CEP72: variants seen among roughly 807,000 people sequenced by gnomAD.
CEP72 encodes the protein centrosomal protein 72.
A neutral mutation model predicts 65.7 loss-of-function variants in CEP72; 78 were observed. The ratio of observed to expected loss-of-function variants is 1.19; its 90% CI spans 0.99 to 1.43. The LOEUF is 1.43. Among genes scored for constraint, CEP72 ranks in the 40% most tolerant of loss-of-function variants. CEP72 has a pLI of 0.00. For missense variants in CEP72, 914 were observed against 832.9 expected (o/e 1.10, Z -1.20); for synonymous variants, 358 against 351.7 (o/e 1.02, Z -0.20).
In CEP72 at chr5:637,832, T is replaced by G. The variant is rs546834723; in HGVS notation, c.1206+14T>G. ...GACACCAGAGAGGTGAGAGAAGGGC[T>G]GGGGAGCAGCAGGCCCACGGCACTG... On this transcript the variant is annotated intron_variant, in intron 7 of 11. Transcript: ENST00000264935. 790 of 1,521,326 alleles carry G rather than the reference T, an allele frequency of 5.2e-4. No homozygotes were observed. Among genetic ancestry groups the G allele is most frequent in the Non-Finnish European group, 6.4e-4 (723 of 1,131,722 alleles). The allele number at this position is 1,521,326 out of a possible 1,614,324, so 94.2% of individuals were successfully genotyped here.
chr5:667,657 G>A (rs1739977159), downstream of CEP72, among the ~76,000 whole-genome samples: 2 of 152,194 alleles, frequency 1.3e-5, no homozygotes, highest in Admixed American at 1.3e-4. Flanking sequence ...CCTGAGAAAG[G>A]ACTTGTCTCT....
chr5:644,327 C>G lies in CEP72; in HGVS notation c.1568C>G (p.Ser523Cys), dbSNP rs750132769. ...GATTTGAGACAACATTTAGATAAAT[C>G]TTTGGAAGAGAACAGTAGGTTAAAA... ...LDDLRQHLDKSLEENSRLKSL... is the reference protein window; with the variant it reads ...LDDLRQHLDKCLEENSRLKSL... The change falls in exon 10 of 12, where the codon TCT becomes TGT. Residue 523 changes from serine to cysteine, a missense_variant. Ser to Cys is a moderately radical substitution (Grantham distance 112). Transcript: ENST00000264935. 6.2e-7 allele frequency: 1 copy of G among 1,613,716 alleles called. No homozygotes were observed. Among genetic ancestry groups the G allele is most frequent in the African/African-American group, 1.3e-5 (1 of 74,922 alleles).
rs1041306811 is a variant in CEP72 at position 665,797 on chromosome 5, C to T, written n.434-144C>T. ...CCATTCATGCCCCTTCTGACCACAC[C>T]TCCTCAGACCCCACACCAGGCCACG... On this transcript the variant is annotated intron_variant and non_coding_transcript_variant, in intron 3 of 4. Transcript: ENST00000514507. The T allele has an allele frequency of 2.7e-5, 20 of 748,178 alleles. 2 individuals carry two copies. Among genetic ancestry groups the T allele is most frequent in the Middle Eastern group, 3.9e-4 (1 of 2,584 alleles). The allele number at this position is 748,178 out of a possible 1,614,324, so 46.3% of individuals were successfully genotyped here. A position where few individuals can be genotyped will look rare whatever the true frequency, so the allele number is the denominator to read the frequency against.
chr5:639,762 T>C (rs1579991662), intron 8 of CEP72, among the ~76,000 whole-genome samples: 1 of 152,182 alleles, frequency 6.6e-6, no homozygotes, highest in Admixed American at 6.5e-5. Flanking sequence ...AGATGCCGCG[T>C]CCCCAGGGGC....
chr5:639,200 C>T lies in CEP72; in HGVS notation c.1318C>T (p.Leu440=), dbSNP rs950023165. The T allele has an allele frequency of 1.3e-6, 2 of 1,594,536 alleles. No homozygotes were observed. The highest frequency in any genetic ancestry group is 1.7e-6 in the Non-Finnish European group (2 of 1,167,156). ...VDRSWGGCRS[L]HSNEAFLAQA... ...CAGGAGCTGGGGCGGCTGCAGGTCC[C>T]TGCACAGCAACGAGGCATTCCTTGG... Residue 440 remains leucine (L), a synonymous_variant, in exon 8 of 12, where the codon CTG becomes TTG. Transcript: ENST00000264935.
chr5:641,335 T>C (rs1002480223), intron 9 of CEP72: 1 of 985,284 alleles, frequency 1.0e-6, no homozygotes, highest in Non-Finnish European at 1.2e-6. Flanking sequence ...CCGGGAGTCC[T>C]GGTGTGAGGG....
chr5:641,123 T>C, intron 9 of CEP72: 1 of 985,158 alleles, frequency 1.0e-6, no homozygotes, highest in Non-Finnish European at 1.2e-6. Flanking sequence ...GTCTCAGCCG[T>C]GGGCCGGGGC....
chr5:639,283 T>G, intron 8 of CEP72, 59 bp downstream of exon 8: 1 of 1,508,668 alleles, frequency 6.6e-7, no homozygotes. Flanking sequence ...GGTTCCGGGG[T>G]CCTCTGCGTG....
chr5:651,700 C>T (rs897023775), intron 11 of CEP72, among the ~76,000 whole-genome samples: 14 of 151,952 alleles, frequency 9.2e-5, no homozygotes, highest in Admixed American at 2.6e-4. Context: ...AAGGAAGAGG[C>T]GAGCTGCTGG....
At chr5:656,102 G>A (rs1422992687), downstream of CEP72, among the ~76,000 whole-genome samples, 2 of 152,174 alleles carry the variant, frequency 1.3e-5, no homozygotes, top group Non-Finnish European at 2.9e-5. Flanking sequence ...CTGTTGTGAA[G>A]CTTAAGGATC....
intron 7 of CEP72, among the ~76,000 whole-genome samples, 153 bp downstream of exon 7, chr5:637,971 G>A (rs1737733306): frequency 6.6e-6 from 1 of 151,396 alleles, no homozygotes; most frequent in South Asian, 2.1e-4. Context: ...TTACGCCTAC[G>A]GCACTGACCG....
intron 6 of CEP72, among the ~76,000 whole-genome samples, chr5:637,105 T>C (rs1737658677): frequency 6.6e-6 from 1 of 152,212 alleles, no homozygotes; most frequent in Admixed American, 6.5e-5. Flanking sequence ...ACCCACCACT[T>C]TACGGACCAT....
At chr5:659,272 A>G (rs1739485812), downstream of CEP72, among the ~76,000 whole-genome samples, 1 of 152,224 alleles carries the variant, frequency 6.6e-6, no homozygotes, top group African/African-American at 2.4e-5. Context: ...TTTTTATGAA[A>G]CATTTTAATC....
Position 619,132 on chromosome 5 carries a change from T to C in CEP72, c.210+15T>C, listed in dbSNP as rs1195033643. 16 of 1,604,314 alleles carry C rather than the reference T, an allele frequency of 1.0e-5. No homozygotes were observed. The highest frequency in any genetic ancestry group is 2.2e-5 in the East Asian group (1 of 44,676). On this transcript the variant is annotated intron_variant, in intron 2 of 11. Coordinates refer to ENST00000264935, the MANE Select transcript of CEP72 (RefSeq NM_018140.4). The stretch of plus-strand genomic sequence containing the variant: ...TTAGTCTGGAGGTAAGTTTTAGGTC[T>C]CTTTCTTAAAATTTATTGCTATCAA...
At chr5:641,221 C>T (rs1737997960) in intron 9 of CEP72, 3 of 985,274 alleles carry the variant, frequency 3.0e-6, no homozygotes, top group African/African-American at 1.7e-5. Context: ...GGACAGGATC[C>T]TCCCAGGCTC....
rs374226187 is a variant in CEP72, at chr5:640,438, A to G, written c.1373A>G (p.Glu458Gly). The change falls in exon 9 of 12, where the codon GAA (glutamate) becomes GGA (glycine). Residue 458 changes from glutamate to glycine, a missense_variant. Glu to Gly is a moderately conservative substitution (Grantham distance 98). Transcript: ENST00000264935. ...GCAAGACACATCTTGTCATCTGTTGAAGAATTCACAGCAGCTCAGGACAGC... is the reference window on the plus strand; with the variant it reads ...GCAAGACACATCTTGTCATCTGTTGGAGAATTCACAGCAGCTCAGGACAGC... ...AQARHILSSV[E>G]EFTAAQDSSA... The G allele has an allele frequency of 5.6e-6, 9 of 1,614,044 alleles. No individual in the cohort carries two copies. The highest frequency in any genetic ancestry group is 5.9e-6 in the Non-Finnish European group (7 of 1,180,008).
At chr5:618,138 G>A (rs1172714407) in intron 1 of CEP72, among the ~76,000 whole-genome samples, 1 of 152,186 alleles carries the variant, frequency 6.6e-6, no homozygotes, top group East Asian at 1.9e-4. Flanking sequence ...GGAGGCGGGA[G>A]ATGAAGTAGA....
chr5:648,116 G>C (rs1738545519), intron 11 of CEP72, among the ~76,000 whole-genome samples, 200 bp downstream of exon 11: 1 of 152,274 alleles, frequency 6.6e-6, no homozygotes, highest in Non-Finnish European at 1.5e-5. Flanking sequence ...CATGCTGTCT[G>C]TCGCATGTGT....
At chr5:649,038 G>T (rs1264693108) in intron 11 of CEP72, among the ~76,000 whole-genome samples, 1 of 148,744 alleles carries the variant, frequency 6.7e-6, no homozygotes, top group Non-Finnish European at 1.5e-5. Flanking sequence ...AGTGTGAGGT[G>T]TGACTGTGAG....
Sources: gnomAD v4.1 joint callset for allele counts (sites outside exome capture counted in the v4.1 genomes callset) on GRCh38, gnomAD v4.1.1 for gene constraint, MANE v1.5 for transcripts, NCBI Gene and HGNC (gene_info 2026-07-23, HGNC 2026-07-21) for gene names.